Variants in MYH7 observed in about 807,000 individuals in gnomAD.
MYH7 encodes myosin heavy chain 7, also known as myosin-7.
MYH7 carries 129 observed loss-of-function variants against 225.4 expected under a neutral mutation model. The observed-to-expected ratio is 0.57, with a 90% CI of 0.50 to 0.66. The LOEUF is 0.66. Ranked by LOEUF, MYH7 falls within the 30% of genes least tolerant of loss-of-function variation. The probability of loss-of-function intolerance (pLI) is 0.00; values close to 1 mark genes in which losing one functional copy is unlikely to be tolerated. For synonymous variants in MYH7, 971 were observed against 1,007.6 expected (o/e 0.96, Z 0.69); for missense variants, 1,649 against 2,517.0 (o/e 0.66, Z 7.38).
At chr14:23,413,620 A>T in intron 39 of MYH7, 139 bp downstream of exon 39, 1 of 1,171,288 alleles carries the variant, frequency 8.5e-7, no homozygotes, top group South Asian at 1.4e-5. Flanking sequence ...ATCACAGAGA[A>T]CTGCATTACC....
chr14:23,432,275 G>A (rs924150425), intron 6 of MYH7, among the ~76,000 whole-genome samples: 1 of 152,052 alleles, frequency 6.6e-6, no homozygotes, highest in African/African-American at 2.4e-5. Context: ...AGGTGGGAGA[G>A]GAAAAACATG....
chr14:23,418,103 C>G, intron 30 of MYH7, 107 bp downstream of exon 30: 1 of 1,546,780 alleles, frequency 6.5e-7, no homozygotes, highest in Middle Eastern at 1.7e-4. Context: ...CCTGTGTTGT[C>G]AAACACTAGC....
At chr14:23,426,715 G>A (rs1595084388) in intron 18 of MYH7, 62 bp downstream of exon 18, 1 of 1,444,996 alleles carries the variant, frequency 6.9e-7, no homozygotes, top group Admixed American at 1.7e-5. Context: ...GATGTCCTAG[G>A]AGGTCCTGTT....
chr14:23,417,273 G>C lies in MYH7; in HGVS notation c.4399C>G (p.Leu1467Val), dbSNP rs397516214. The change falls in exon 32 of 40, where the codon CTG becomes GTG. Residue 1467 changes from leucine to valine, a missense_variant. By Grantham distance (32) the Leu-to-Val change is conservative. Transcript: ENST00000355349. ...CGAGCCTCCTTCTGCGAGGACTCCA[G>C]CTCCGACTGCGACTCCTCATACTTC... ...KQKYEESQSE[L>V]ESSQKEARSL... 98 of 1,614,172 alleles carry C rather than the reference G, an allele frequency of 6.1e-5. 1 individual carries two copies. In the South Asian group the frequency reaches 1.1e-3, roughly 17 times the overall value.
Position 23,425,754 on chromosome 14 carries a change from C to T in MYH7, c.2227G>A (p.Glu743Lys). Residue 743 changes from glutamate (E) to lysine (K), a missense_variant, in exon 20 of 40, where the codon GAG becomes AAG. This residue lies in a region of MYH7 where 41 missense variants were observed against 124.8 expected (regional missense o/e 0.33). Transcript: ENST00000355349. The surrounding 1 kb of genome is among the most constrained non-coding windows in gnomAD (Gnocchi z 4.6). ...ATGTCCAGGGAGCTGAGCAGCTTCT[C>T]TGCCCCCTTCCTGCTATCAATGAAC... The part of the protein sequence containing the change: ...GQFIDSRKGA[E>K]KLLSSLDIDH... The T allele has an allele frequency of 6.2e-7, 1 of 1,614,042 alleles. No individual in the cohort carries two copies. The highest frequency in any genetic ancestry group is 8.5e-7 in the Non-Finnish European group (1 of 1,179,878).
At chr14:23,434,746 CT>C (rs35679827) in intron 1 of MYH7, among the ~76,000 whole-genome samples, 1 of 152,180 alleles carries the variant, frequency 6.6e-6, no homozygotes, top group Non-Finnish European at 1.5e-5. Flanking sequence ...AAAGAGACTT[CT>C]TTTCCATCCT....
chr14:23,418,011 C>T (rs529038494), intron 30 of MYH7, 199 bp downstream of exon 30: 9 of 971,026 alleles, frequency 9.3e-6, no homozygotes, highest in East Asian at 4.8e-5. Context: ...ACCTTTTGTT[C>T]GTCTTATATT....
intron 9 of MYH7, 115 bp downstream of exon 9, chr14:23,431,303 G>C: frequency 9.5e-7 from 1 of 1,057,254 alleles, no homozygotes; most frequent in Admixed American, 1.7e-5. Context: ...CCTACAGACA[G>C]AGACTTAAAG....
rs1892732456 is a variant in MYH7 at position 23,427,322 on chromosome 14, G to C, written c.1889-15C>G. On this transcript the variant is annotated splice_polypyrimidine_tract_variant and intron_variant, in intron 16 of 39. Transcript: ENST00000355349. ...CTTCTCAATAGCTGCAGGAAGGAGA[G>C]TCAACAAAAGAAGCATCAGTGTGGG... is the stretch of plus-strand genomic sequence containing the variant. 6.2e-7 allele frequency: 1 copy of C among 1,613,394 alleles called. No homozygotes were observed. Among genetic ancestry groups the C allele is most frequent in the Non-Finnish European group, 8.5e-7 (1 of 1,179,544 alleles).
intron 6 of MYH7, among the ~76,000 whole-genome samples, 188 bp from the exon 7 acceptor site, chr14:23,432,057 GC>G (rs2138683048): frequency 6.6e-6 from 1 of 152,342 alleles, no homozygotes; most frequent in African/African-American, 2.4e-5. Flanking sequence ...CAGGAAGGAT[GC>G]CACCAGAAGG....
chr14:23,429,964 T>C (rs756516061), intron 11 of MYH7, 51 bp from the exon 12 acceptor site: 3 of 1,606,708 alleles, frequency 1.9e-6, no homozygotes, highest in African/African-American at 1.3e-5. Flanking sequence ...GTATGATGGG[T>C]AAGTGAGATC....
In MYH7 at chr14:23,413,368, G is replaced by A. The variant is rs1041642271; in HGVS notation, c.5790+391C>T. Reference sequence around the variant, plus strand: ...CTGAGGCGAGTGGATCACAAGGTCAGGAGTTCAAGACCAGCCTGGCCAACA... The same window carrying A: ...CTGAGGCGAGTGGATCACAAGGTCAAGAGTTCAAGACCAGCCTGGCCAACA... On this transcript the variant is annotated intron_variant, in intron 39 of 39. Transcript: ENST00000355349. 6.6e-6 allele frequency among the ~76,000 whole-genome samples: 1 copy of A among 152,128 alleles called. No homozygotes were observed. The highest frequency in any genetic ancestry group is 1.5e-5 in the Non-Finnish European group (1 of 68,008).
intron 8 of MYH7, 38 bp downstream of exon 8, chr14:23,431,547 C>A (rs772293473): frequency 1.2e-6 from 2 of 1,613,954 alleles, no homozygotes; most frequent in Non-Finnish European, 1.7e-6. Flanking sequence ...ATTCCTCCAC[C>A]AGTCCAAGTC....
Position 23,422,294 on chromosome 14 carries a change from A to G in MYH7, c.3131T>C (p.Val1044Ala). Residue 1044 changes from valine (V) to alanine (A), a missense_variant, in exon 25 of 40, where the codon GTG (valine) becomes GCG (alanine). Transcript: ENST00000355349. ...CTTCGCTCGCTCCAGGTCCATGCGC[A>G]CCTTCTTCTCTTGCTCCAGGGATCC... ...LEGSLEQEKK[V>A]RMDLERAKRK... The G allele has an allele frequency of 1.9e-6, 3 of 1,614,104 alleles. No homozygotes were observed. The highest frequency in any genetic ancestry group is 2.5e-6 in the Non-Finnish European group (3 of 1,180,030).
Position 23,415,766 on chromosome 14 carries a change from C to A in MYH7, c.5020G>T (p.Val1674Leu), listed in dbSNP as rs397516235. The change falls in exon 35 of 40, where the codon GTG (valine) becomes TTG (leucine). Residue 1674 changes from valine to leucine, a missense_variant. Val to Leu is a conservative substitution (Grantham distance 32, BLOSUM62 1). Transcript: ENST00000355349. The surrounding 1 kb of genome is among the most constrained non-coding windows in gnomAD (Gnocchi z 6.3). ...NDDLKENIAI[V>L]ERRNNLLQAE... ...TGCAGCAGGTTGTTGCGCCGCTCCA[C>A]GATGGCGATGTTCTCCTTCAGGTCG... is the stretch of plus-strand genomic sequence containing the variant. 1.2e-6 allele frequency: 2 copies of A among 1,614,208 alleles called. No homozygotes were observed. The highest frequency in any genetic ancestry group is 8.5e-7 in the Non-Finnish European group (1 of 1,180,044).
rs1456654313 is a variant in MYH7, at chr14:23,432,355, G to A, written c.530+124C>T. On this transcript the variant is annotated intron_variant, in intron 6 of 39. Transcript: ENST00000355349. ...GTCAGGGTAATGGTCAGAGAAGAAGGAGATGGGCACGAGGTTGGGGGGAAA... is the reference window on the plus strand; with the variant it reads ...GTCAGGGTAATGGTCAGAGAAGAAGAAGATGGGCACGAGGTTGGGGGGAAA... 5.0e-6 allele frequency: 6 copies of A among 1,192,352 alleles called. No individual in the cohort carries two copies. In the East Asian group the frequency reaches 1.4e-4, roughly 28 times the overall value. 73.9% of individuals were successfully genotyped at this position (1,192,352 alleles called of 1,614,324 possible).
In MYH7 at chr14:23,425,512, G is replaced by A. The variant is rs1455116040; in HGVS notation, c.2287-94C>T. ...TTAGGAAGGGTAACAGCCTAGAAAA[G>A]GATTGCAGGGAGGAGGTCAATGGCA... On this transcript the variant is annotated intron_variant, in intron 20 of 39. Transcript: ENST00000355349. The surrounding 1 kb of genome is among the most constrained non-coding windows in gnomAD (Gnocchi z 4.6). The A allele has an allele frequency of 1.9e-6, 3 of 1,598,700 alleles. No individual in the cohort carries two copies. The African/African-American group carries it at 4.0e-5, about 21-fold the overall frequency.
chr14:23,423,856 T>C (rs1465464133), intron 23 of MYH7, 51 bp downstream of exon 23: 2 of 1,613,642 alleles, frequency 1.2e-6, no homozygotes, highest in Admixed American at 1.7e-5. Flanking sequence ...GTCAGTATGG[T>C]CTGAGAGTCC....
In MYH7 at chr14:23,433,943, A is replaced by C. The variant is rs1893054591; in HGVS notation, c.-8-203T>G. 6.6e-6 allele frequency among the ~76,000 whole-genome samples: 1 copy of C among 152,174 alleles called. No individual in the cohort carries two copies. Among genetic ancestry groups the C allele is most frequent in the Non-Finnish European group, 1.5e-5 (1 of 68,010 alleles). Reference sequence around the variant, plus strand: ...CCTGCCAGGGTAAAAGGAACAACTAACTATTGTTCAAGCTGGGGCTCTCCT... The same window carrying C: ...CCTGCCAGGGTAAAAGGAACAACTACCTATTGTTCAAGCTGGGGCTCTCCT... On this transcript the variant is annotated intron_variant, in intron 2 of 39. Transcript: ENST00000355349. This position sits in a 1 kb window ranked among gnomAD's most constrained non-coding sequence, Gnocchi z 4.1.
Sources: gnomAD v4.1 joint callset for allele counts (sites outside exome capture counted in the v4.1 genomes callset) on GRCh38, gnomAD v4.1.1 for gene constraint, gnomAD v4.1.1 regional missense constraint, Gnocchi (gnomAD v3.1) non-coding constraint, MANE v1.5 for transcripts, NCBI Gene and HGNC (gene_info 2026-07-23, HGNC 2026-07-21) for gene names.